CALB2: variants seen among roughly 807,000 people sequenced by gnomAD.
CALB2 encodes the protein calretinin.
Under a neutral mutation model 45.9 loss-of-function variants are expected in CALB2, and 34 were observed. The observed-to-expected ratio is 0.74, with a 90% CI of 0.56 to 0.99. The LOEUF (loss-of-function observed/expected upper bound fraction) is 0.99. Ranked by LOEUF, CALB2 falls within the 50% of genes least tolerant of loss-of-function variation. The pLI, the probability that CALB2 is intolerant of heterozygous loss-of-function variation, is 0.00. For synonymous variants in CALB2, 142 were observed against 129.6 expected (o/e 1.10, Z -0.65); for missense variants, 344 against 339.3 (o/e 1.01, Z -0.11).
intron 6 of CALB2, 131 bp from the exon 7 acceptor site, chr16:71,383,839 G>C (rs981433017): frequency 3.9e-6 from 4 of 1,030,240 alleles, no homozygotes; most frequent in Non-Finnish European, 6.1e-6. Context: ...GTTGGTTCTT[G>C]GCCCCTACGG....
chr16:71,371,997 C>T (rs571365148), intron 1 of CALB2, among the ~76,000 whole-genome samples, 156 bp from the exon 2 acceptor site: 1 of 152,314 alleles, frequency 6.6e-6, no homozygotes, highest in Non-Finnish European at 1.5e-5. Flanking sequence ...TGCAAATGCC[C>T]TGAGGGCTGG....
intron 3 of CALB2, among the ~76,000 whole-genome samples, chr16:71,376,671 A>C (rs1040840594): frequency 6.6e-6 from 1 of 152,012 alleles, no homozygotes; most frequent in African/African-American, 2.4e-5. Context: ...ATATACACCC[A>C]CATACAACCA....
At position 71,385,600 on chromosome 16, in the gene CALB2, G is replaced by A; in HGVS notation, c.651G>A (p.Glu217=). The A allele has an allele frequency of 6.2e-7, 1 of 1,614,076 alleles. No homozygotes were observed. The highest frequency in any genetic ancestry group is 8.5e-7 in the Non-Finnish European group (1 of 1,180,004). Residue 217 remains glutamate (E), a synonymous_variant, in exon 10 of 11, where the codon GAG becomes GAA. Coordinates refer to ENST00000302628, the MANE Select transcript of CALB2 (RefSeq NM_001740.5). The part of the protein sequence containing the change: ...YDKDRSGYID[E]HELDALLKDL... Reference sequence around the variant, plus strand: ...AGGATAGAAGCGGCTACATTGACGAGCATGAGCTGGATGCCCTTTTGAAGG... The same window carrying A: ...AGGATAGAAGCGGCTACATTGACGAACATGAGCTGGATGCCCTTTTGAAGG...
Position 71,358,730 on chromosome 16 carries a change from G to C in CALB2, c.-63G>C, listed in dbSNP as rs1598155487. The C allele has an allele frequency of 7.5e-7, 1 of 1,329,134 alleles. No homozygotes were observed. The highest frequency in any genetic ancestry group is 1.3e-5 in the South Asian group (1 of 78,022). The allele number at this position is 1,329,134 out of a possible 1,614,324, so 82.3% of individuals were successfully genotyped here. ...AGCGTGGCGCACAACCCCAGCGCGAGTGCCAGAGCCCAGCCGGCGCGGAGC... is the reference window on the plus strand; with the variant it reads ...AGCGTGGCGCACAACCCCAGCGCGACTGCCAGAGCCCAGCCGGCGCGGAGC... On this transcript the variant is annotated 5_prime_UTR_variant, in exon 1 of 11. Coordinates refer to ENST00000302628, the MANE Select transcript of CALB2 (RefSeq NM_001740.5).
chr16:71,370,057 C>T (rs2042330110), intron 1 of CALB2, among the ~76,000 whole-genome samples: 1 of 152,190 alleles, frequency 6.6e-6, no homozygotes, highest in South Asian at 2.1e-4. Context: ...ACCACCCCAT[C>T]CTAGGATAAA....
At chr16:71,365,373 C>G (rs922003181) in intron 1 of CALB2, among the ~76,000 whole-genome samples, 4 of 152,192 alleles carry the variant, frequency 2.6e-5, no homozygotes, top group African/African-American at 7.2e-5. Flanking sequence ...GACGCAACAT[C>G]TTGAGTGTGC....
chr16:71,370,205 G>A (rs1280255650), intron 1 of CALB2, among the ~76,000 whole-genome samples: 2 of 152,198 alleles, frequency 1.3e-5, no homozygotes, highest in African/African-American at 4.8e-5. Context: ...GTGCCTCTAA[G>A]TTTATTAAGA....
At chr16:71,365,078 A>C (rs748129621) in intron 1 of CALB2, among the ~76,000 whole-genome samples, 1 of 152,174 alleles carries the variant, frequency 6.6e-6, no homozygotes, top group African/African-American at 2.4e-5. Context: ...ACTGGGGCAG[A>C]GCCTGGGGAA....
intron 4 of CALB2, among the ~76,000 whole-genome samples, chr16:71,382,334 A>T (rs1338213418): frequency 1.3e-5 from 2 of 152,154 alleles, no homozygotes; most frequent in African/African-American, 4.8e-5. Flanking sequence ...CCACCAGATG[A>T]TGTGGTAAAA....
At chr16:71,383,505 G>C (rs2042525482) in intron 6 of CALB2, 61 bp downstream of exon 6, 1 of 1,488,740 alleles carries the variant, frequency 6.7e-7, no homozygotes, top group East Asian at 2.3e-5. Context: ...AAGCCACTTG[G>C]GCTCTGGTGT....
At chr16:71,385,426 A>C (rs2042559186) in intron 9 of CALB2, 151 bp from the exon 10 acceptor site, 1 of 555,898 alleles carries the variant, frequency 1.8e-6, no homozygotes, top group African/African-American at 1.9e-5. Context: ...GTTAAGGCAG[A>C]AGGGACACAT....
chr16:71,378,206 C>G (rs1022124433), intron 4 of CALB2, among the ~76,000 whole-genome samples: 3 of 151,922 alleles, frequency 2.0e-5, no homozygotes, highest in Admixed American at 6.6e-5. Flanking sequence ...GCTTGGGTGA[C>G]AGAGAGAGAC....
intron 4 of CALB2, 47 bp downstream of exon 4, chr16:71,377,794 C>A: frequency 7.0e-7 from 1 of 1,421,024 alleles, no homozygotes; most frequent in Non-Finnish European, 9.9e-7. Flanking sequence ...GACCTGCCTT[C>A]CTCCTGTGTT....
At chr16:71,384,142 A>G in intron 7 of CALB2, 117 bp downstream of exon 7, 1 of 1,198,388 alleles carries the variant, frequency 8.3e-7, no homozygotes, top group Non-Finnish European at 1.2e-6. Flanking sequence ...GAAGCTCAAG[A>G]CAAAGCAAGA....
rs994346276 is a variant in CALB2, at chr16:71,374,224, T to C, written c.172-521T>C. 2.6e-5 allele frequency among the ~76,000 whole-genome samples: 4 copies of C among 152,238 alleles called. 1 individual carries two copies. The highest frequency in any genetic ancestry group is 2.1e-4 in the South Asian group (1 of 4,828). Reference sequence around the variant, plus strand: ...TTTAAATTACCCTTCGGCTACATGATGACCTCCTCCTCATGTTCCTCCTGA... The same window carrying C: ...TTTAAATTACCCTTCGGCTACATGACGACCTCCTCCTCATGTTCCTCCTGA... On this transcript the variant is annotated intron_variant, in intron 2 of 10. Transcript: ENST00000302628.
intron 10 of CALB2, chr16:71,389,412 A>C: frequency 2.1e-6 from 1 of 468,782 alleles, no homozygotes; most frequent in Non-Finnish European, 4.3e-6. Context: ...TTATTTTTCA[A>C]GTGCTTGCTG....
At position 71,385,641 on chromosome 16, in the gene CALB2, A is replaced by G. The variant is rs149917134; in HGVS notation, c.692A>G (p.Asn231Ser). 69 of 1,613,874 alleles carry G rather than the reference A, an allele frequency of 4.3e-5. No homozygotes were observed. In the African/African-American group the frequency reaches 8.8e-4, roughly 21 times the overall value. Residue 231 changes from asparagine to serine, a missense_variant, in exon 10 of 11, where the codon AAC becomes AGC. Physicochemically the swap from Asn to Ser is conservative, Grantham distance 46. Transcript: ENST00000302628. Reference sequence around the variant, plus strand: ...CTTTTGAAGGATCTGTACGAGAAAAACAAAAAGGTGAGCAGCCAAGCCTGA... The same window carrying G: ...CTTTTGAAGGATCTGTACGAGAAAAGCAAAAAGGTGAGCAGCCAAGCCTGA... ...DALLKDLYEK[N>S]KKEMNIQQLT...
chr16:71,382,662 G>A, intron 4 of CALB2, 57 bp from the exon 5 acceptor site: 1 of 1,562,882 alleles, frequency 6.4e-7, no homozygotes, highest in Non-Finnish European at 8.8e-7. Context: ...GAATGGAAGG[G>A]AGGTGGGTAG....
At chr16:71,383,765 G>A (rs1352876602) in intron 6 of CALB2, among the ~76,000 whole-genome samples, 1 of 152,104 alleles carries the variant, frequency 6.6e-6, no homozygotes, top group East Asian at 1.9e-4. Context: ...GAGGAGGGGA[G>A]AGAGGAGCAG....
Sources: allele counts gnomAD v4.1 joint callset (sites outside exome capture counted in the v4.1 genomes callset), GRCh38; gene constraint gnomAD v4.1.1; transcripts MANE v1.5; gene names NCBI Gene and HGNC (gene_info 2026-07-23, HGNC 2026-07-21).